NCALD: variants seen among roughly 807,000 people sequenced by gnomAD.
NCALD encodes neurocalcin delta, also known as neurocalcin-delta.
A neutral mutation model predicts 18.6 loss-of-function variants in NCALD; 10 were observed. The ratio of observed to expected loss-of-function variants is 0.54; its 90% CI spans 0.33 to 0.91. The LOEUF (loss-of-function observed/expected upper bound fraction) is 0.91, where lower values mean the gene tolerates loss of function less well. Among genes scored for constraint, NCALD ranks in the 40% least tolerant of loss-of-function variants. The probability of loss-of-function intolerance (pLI) is 0.03; values close to 1 mark genes in which losing one functional copy is unlikely to be tolerated. For missense variants in NCALD, 184 were observed against 247.6 expected (o/e 0.74, Z 1.72); for synonymous variants, 88 against 87.4 (o/e 1.01, Z -0.04).
Position 102,014,702 on chromosome 8 carries a change from C to A in NCALD, c.-157+5535G>T, listed in dbSNP as rs1238725323. ...CCTTAATTCTGTGCACTATACCCCC[C>A]ACCCCACCAGGTTTTCCTTACAGTA... On this transcript the variant is annotated intron_variant, in intron 2 of 6. Transcript: ENST00000311028. 7.9e-5 allele frequency among the ~76,000 whole-genome samples: 12 copies of A among 152,066 alleles called. 1 individual carries two copies. Among genetic ancestry groups the A allele is most frequent in the Non-Finnish European group, 7.4e-5 (5 of 67,988 alleles).
chr8:102,096,467 A>C (rs1218028665), intron 1 of NCALD, among the ~76,000 whole-genome samples: 2 of 150,616 alleles, frequency 1.3e-5, no homozygotes, highest in Admixed American at 1.3e-4. Context: ...GAAAATCCTA[A>C]CTTTCCAGCC....
At chr8:101,744,582 G>C in intron 1 of NCALD, among the ~76,000 whole-genome samples, 1 of 152,180 alleles carries the variant, frequency 6.6e-6, no homozygotes, top group Non-Finnish European at 1.5e-5. Context: ...AGGCTGTGCA[G>C]AGATCCAGTT....
chr8:101,705,330 A>G (rs893421338), intron 2 of NCALD, among the ~76,000 whole-genome samples: 4 of 152,244 alleles, frequency 2.6e-5, no homozygotes, highest in African/African-American at 9.6e-5. Context: ...AAACATGGTT[A>G]ACATGATCAT....
intron 2 of NCALD, among the ~76,000 whole-genome samples, chr8:101,987,926 G>A (rs1820876971): frequency 2.0e-5 from 3 of 152,098 alleles, no homozygotes; most frequent in African/African-American, 7.2e-5. Flanking sequence ...AGGCCGAGGC[G>A]GGCGGATCAC....
intron 2 of NCALD, among the ~76,000 whole-genome samples, chr8:101,982,577 A>G (rs1227079749): frequency 6.6e-6 from 1 of 152,222 alleles, no homozygotes; most frequent in African/African-American, 2.4e-5. Flanking sequence ...ATGGTGGCTC[A>G]TGCCTGTAAT....
rs149640820 is a variant in NCALD, at chr8:102,100,878, G to A, written c.-210+23359C>T. Reference sequence around the variant, plus strand: ...AAATTCATAGAGCAGAACGGTGGTCGTCAGGGGCTGTGGGGAGGAGGAAGT... The same window carrying A: ...AAATTCATAGAGCAGAACGGTGGTCATCAGGGGCTGTGGGGAGGAGGAAGT... On this transcript the variant is annotated intron_variant, in intron 1 of 6. Coordinates refer to the NCALD transcript ENST00000311028. 8.2e-3 allele frequency among the ~76,000 whole-genome samples: 1,238 copies of A among 150,778 alleles called. 9 individuals are homozygous for A. Among genetic ancestry groups the A allele is most frequent in the African/African-American group, 0.027 (1,117 of 40,966 alleles).
In NCALD at chr8:101,710,660, C is replaced by A. The variant is rs574432631; in HGVS notation, c.378+8592G>T. On this transcript the variant is annotated intron_variant, in intron 2 of 3. Transcript: ENST00000220931. Reference sequence around the variant, plus strand: ...AAACAAAGCCACTGGGAGGTTTGGACTGGGCAGAGCCCACCGCAGCACCAC... The same window carrying A: ...AAACAAAGCCACTGGGAGGTTTGGAATGGGCAGAGCCCACCGCAGCACCAC... Among the ~76,000 whole-genome samples, 15 of 152,362 alleles carry A rather than the reference C, an allele frequency of 9.8e-5. No homozygotes were observed. The South Asian group carries it at 3.1e-3, about 32-fold the overall frequency.
intron 2 of NCALD, among the ~76,000 whole-genome samples, chr8:101,927,463 C>T (rs920606225): frequency 6.6e-6 from 1 of 152,160 alleles, no homozygotes. Context: ...ATGAAGGTGT[C>T]TGAGCAAGGA....
chr8:102,033,086 C>T (rs1822737178), intron 1 of NCALD, among the ~76,000 whole-genome samples: 1 of 152,124 alleles, frequency 6.6e-6, no homozygotes, highest in Non-Finnish European at 1.5e-5. Context: ...TTTGTAAGTA[C>T]CACCGATAAC....
At chr8:101,839,609 C>T (rs1039793617) in intron 4 of NCALD, among the ~76,000 whole-genome samples, 1 of 152,178 alleles carries the variant, frequency 6.6e-6, no homozygotes, top group African/African-American at 2.4e-5. Flanking sequence ...TGCAAACATA[C>T]ATTCATTCAA....
At chr8:102,001,539 C>T (rs565748365) in intron 2 of NCALD, among the ~76,000 whole-genome samples, 320 of 152,280 alleles carry the variant, frequency 2.1e-3, no homozygotes, top group Non-Finnish European at 3.7e-3. Context: ...CACAAAGATA[C>T]TCCTCGAGAA....
chr8:101,981,962 C>T (rs1820634980), intron 2 of NCALD, among the ~76,000 whole-genome samples: 1 of 152,090 alleles, frequency 6.6e-6, no homozygotes, highest in Non-Finnish European at 1.5e-5. Flanking sequence ...GCTTGGTTCC[C>T]TCCTTGTGAT....
At chr8:101,898,866 C>T (rs73280879) in intron 3 of NCALD, among the ~76,000 whole-genome samples, 10,285 of 151,962 alleles carry the variant, frequency 0.068, 719 homozygotes, top group African/African-American at 0.18. Context: ...TTCTAGTTGC[C>T]TTACTTTTGC....
At position 101,799,335 on chromosome 8, in the gene NCALD, G is replaced by A. The variant is rs144770444; in HGVS notation, c.-19-79687C>T. Reference sequence around the variant, plus strand: ...TTATTCATTCATTGCTGGTGGGAATGTAAACTAATAAAGATACTATGAAAA... The same window carrying A: ...TTATTCATTCATTGCTGGTGGGAATATAAACTAATAAAGATACTATGAAAA... On this transcript the variant is annotated intron_variant, in intron 4 of 6. Coordinates refer to the NCALD transcript ENST00000311028. 8.6e-3 allele frequency among the ~76,000 whole-genome samples: 1,309 copies of A among 152,274 alleles called. 14 individuals carry two copies. The highest frequency in any genetic ancestry group is 0.013 in the Non-Finnish European group (889 of 68,008).
chr8:101,731,623 G>C (rs1291346416), intron 1 of NCALD, among the ~76,000 whole-genome samples: 1 of 152,168 alleles, frequency 6.6e-6, no homozygotes, highest in Non-Finnish European at 1.5e-5. Flanking sequence ...TCTTAAAAGA[G>C]TGCACTGTTG....
intron 1 of NCALD, among the ~76,000 whole-genome samples, chr8:101,775,667 C>T (rs956443347): frequency 6.6e-6 from 1 of 152,206 alleles, no homozygotes; most frequent in Non-Finnish European, 1.5e-5. Flanking sequence ...CTCCTCTCCA[C>T]TGACCCAGCA....
intron 4 of NCALD, among the ~76,000 whole-genome samples, chr8:101,862,767 G>C (rs1046377164): frequency 6.6e-6 from 1 of 152,144 alleles, no homozygotes; most frequent in African/African-American, 2.4e-5. Flanking sequence ...CACATGCCCT[G>C]TCCTCAGCTC....
chr8:101,973,412 G>A (rs1820312864), intron 2 of NCALD, among the ~76,000 whole-genome samples: 1 of 152,170 alleles, frequency 6.6e-6, no homozygotes, highest in Non-Finnish European at 1.5e-5. Flanking sequence ...ACTGAGGTTA[G>A]GGGTTTGAAT....
At chr8:101,787,525 C>T (rs969857858) in intron 1 of NCALD, among the ~76,000 whole-genome samples, 12 of 152,144 alleles carry the variant, frequency 7.9e-5, no homozygotes, top group Admixed American at 2.0e-4. Context: ...AGGGCTGTGA[C>T]GGCAGCTGAC....
Sources: allele counts gnomAD v4.1 joint callset (sites outside exome capture counted in the v4.1 genomes callset), GRCh38; gene constraint gnomAD v4.1.1; transcripts MANE v1.5; gene names NCBI Gene and HGNC (gene_info 2026-07-23, HGNC 2026-07-21).